Variants in ASTN2 observed in about 807,000 individuals in gnomAD.
The protein encoded by ASTN2 is astrotactin 2.
A neutral mutation model predicts 139.8 loss-of-function variants in ASTN2; 54 were observed. That is an observed-to-expected ratio of 0.39 (90% CI 0.31 to 0.48). ASTN2 has a LOEUF of 0.48. Among genes scored for constraint, ASTN2 ranks in the 20% least tolerant of loss-of-function variants. The pLI is 0.95. For synonymous variants in ASTN2, 756 were observed against 719.5 expected, an observed-to-expected ratio of 1.05 and a Z score of -0.81; for missense variants, 1,565 against 1,725.1, an observed-to-expected ratio of 0.91 and a Z score of 1.64.
At chr9:116,665,764 A>C (rs1396491287) in intron 16 of ASTN2, among the ~76,000 whole-genome samples, 1 of 152,198 alleles carries the variant, frequency 6.6e-6, no homozygotes, top group Non-Finnish European at 1.5e-5. Flanking sequence ...GAACAAGGAA[A>C]ACAATAATAA....
At chr9:117,257,337 A>C (rs1207453292) in intron 2 of ASTN2, among the ~76,000 whole-genome samples, 2 of 152,244 alleles carry the variant, frequency 1.3e-5, no homozygotes, top group Non-Finnish European at 2.9e-5. Context: ...GGAAAAGTAG[A>C]TTCATGATCC....
intron 10 of ASTN2, among the ~76,000 whole-genome samples, chr9:116,867,504 C>A (rs1258900095): frequency 1.5e-5 from 2 of 137,202 alleles, no homozygotes; most frequent in Non-Finnish European, 3.0e-5. Context: ...GAGCCAAGAT[C>A]GCGCCACTGC....
chr9:116,574,699 C>A (rs542595817), intron 19 of ASTN2, among the ~76,000 whole-genome samples: 1 of 152,142 alleles, frequency 6.6e-6, no homozygotes, highest in Non-Finnish European at 1.5e-5. Context: ...AATGCTTGCC[C>A]GTTTCTACCG....
At chr9:116,903,856 T>C (rs752921834) in intron 10 of ASTN2, among the ~76,000 whole-genome samples, 1 of 152,210 alleles carries the variant, frequency 6.6e-6, no homozygotes, top group Non-Finnish European at 1.5e-5. Context: ...CCTGGGGATG[T>C]GCTTCACAGG....
At chr9:116,971,067 G>A (rs770369688) in intron 10 of ASTN2, among the ~76,000 whole-genome samples, 1 of 152,106 alleles carries the variant, frequency 6.6e-6, no homozygotes. Context: ...GAAAGCAGAG[G>A]TGGGCTGTAT....
intron 3 of ASTN2, chr9:117,181,262 C>T (rs533843701): frequency 2.0e-6 from 1 of 496,740 alleles, no homozygotes; most frequent in African/African-American, 1.9e-5. Flanking sequence ...GCTCACATAA[C>T]TATTTCAGAG....
At chr9:116,678,524 T>C (rs967936421) in intron 16 of ASTN2, among the ~76,000 whole-genome samples, 9 of 152,104 alleles carry the variant, frequency 5.9e-5, no homozygotes, top group Admixed American at 5.2e-4. Context: ...CGGCTTTTGT[T>C]AAAAGGAATG....
chr9:117,053,214 G>A (rs1278610459), intron 5 of ASTN2, among the ~76,000 whole-genome samples: 1 of 152,154 alleles, frequency 6.6e-6, no homozygotes, highest in South Asian at 2.1e-4. Flanking sequence ...TGCTTTGTGA[G>A]GCCGAGGCAG....
intron 6 of ASTN2, among the ~76,000 whole-genome samples, chr9:117,010,359 T>C (rs1837484147): frequency 6.6e-6 from 1 of 152,124 alleles, no homozygotes; most frequent in Non-Finnish European, 1.5e-5. Context: ...AGCACAGTCA[T>C]GCTGTTTAAA....
chr9:117,144,981 CTCTT>C (rs1318988502), intron 3 of ASTN2, among the ~76,000 whole-genome samples: 1 of 151,814 alleles, frequency 6.6e-6, no homozygotes, highest in East Asian at 1.9e-4. Flanking sequence ...CTACGCCTGG[CTCTT>C]TTTTTTTAAA....
At chr9:116,755,519 G>A (rs1409497349) in intron 13 of ASTN2, among the ~76,000 whole-genome samples, 1 of 152,226 alleles carries the variant, frequency 6.6e-6, no homozygotes, top group Non-Finnish European at 1.5e-5. Flanking sequence ...TGCAAGCCAA[G>A]GAGTGAGGCC....
chr9:117,368,594 G>A (rs916113480), intron 1 of ASTN2, among the ~76,000 whole-genome samples: 1 of 152,120 alleles, frequency 6.6e-6, no homozygotes, highest in Admixed American at 6.6e-5. Context: ...ACACAGGGGT[G>A]AGAGACAGTA....
chr9:117,396,700 G>T (rs551697672), intron 1 of ASTN2, among the ~76,000 whole-genome samples: 3 of 151,850 alleles, frequency 2.0e-5, no homozygotes, highest in Non-Finnish European at 4.4e-5. Context: ...TGAGTTGCTG[G>T]GATTACAGGT....
intron 10 of ASTN2, among the ~76,000 whole-genome samples, chr9:116,898,387 G>C (rs916542814): frequency 6.9e-5 from 10 of 143,982 alleles, no homozygotes; most frequent in Non-Finnish European, 1.0e-4. Flanking sequence ...TCCAGCCTGG[G>C]TGACAGAACA....
At chr9:116,742,615 C>G (rs577662755) in intron 13 of ASTN2, among the ~76,000 whole-genome samples, 1 of 152,048 alleles carries the variant, frequency 6.6e-6, no homozygotes, top group Non-Finnish European at 1.5e-5. Context: ...GCAAGCCCCT[C>G]GCTCAACAAG....
At chr9:116,785,800 C>T (rs1401361665) in intron 13 of ASTN2, among the ~76,000 whole-genome samples, 1 of 152,190 alleles carries the variant, frequency 6.6e-6, no homozygotes, top group Non-Finnish European at 1.5e-5. Flanking sequence ...CGTCTGACAT[C>T]TGGACCACAG....
At chr9:116,969,880 C>T (rs1434770235) in intron 10 of ASTN2, among the ~76,000 whole-genome samples, 2 of 152,134 alleles carry the variant, frequency 1.3e-5, no homozygotes, top group African/African-American at 4.8e-5. Context: ...TGCAACAAAT[C>T]ACCACAAACT....
At chr9:117,377,973 T>C (rs1287717331) in intron 1 of ASTN2, among the ~76,000 whole-genome samples, 1 of 152,178 alleles carries the variant, frequency 6.6e-6, no homozygotes, top group African/African-American at 2.4e-5. Flanking sequence ...CCGTTACCAG[T>C]GATAGTCTCT....
intron 10 of ASTN2, among the ~76,000 whole-genome samples, chr9:116,953,856 T>C (rs1179293949): frequency 3.3e-5 from 5 of 152,178 alleles, no homozygotes; most frequent in Admixed American, 3.3e-4. Context: ...GGCAGAGCTG[T>C]AGCTCAATCT....
Sources: allele counts gnomAD v4.1 joint callset (sites outside exome capture counted in the v4.1 genomes callset), GRCh38; gene constraint gnomAD v4.1.1; transcripts MANE v1.5; gene names NCBI Gene and HGNC (gene_info 2026-07-23, HGNC 2026-07-21).